The following SHCBP1L variants were observed in gnomAD, a reference collection of about 807,000 sequenced individuals.
SHCBP1L encodes testicular spindle-associated protein SHCBP1L.
Under a neutral mutation model 62.5 loss-of-function variants are expected in SHCBP1L, and 67 were observed. That is an observed-to-expected ratio of 1.07 (90% CI 0.88 to 1.31). The LOEUF (loss-of-function observed/expected upper bound fraction) is 1.31. Ranked by LOEUF, SHCBP1L falls within the 40% of genes most tolerant of loss-of-function variation. The pLI is 0.00. For missense variants in SHCBP1L, 823 were observed against 809.8 expected, an observed-to-expected ratio of 1.02 and a Z score of -0.20; for synonymous variants, 284 against 289.4, an observed-to-expected ratio of 0.98 and a Z score of 0.19.
intron 6 of SHCBP1L, among the ~76,000 whole-genome samples, chr1:182,910,560 A>G (rs947358883): frequency 9.2e-5 from 14 of 152,232 alleles, no homozygotes; most frequent in African/African-American, 3.1e-4. Flanking sequence ...GAAAGAGACA[A>G]GCAAGATTCC....
intron 7 of SHCBP1L, 97 bp from the exon 8 acceptor site, chr1:182,904,527 CTGTGTGCGTGTGTGTGTGTGTG>C: frequency 8.2e-7 from 1 of 1,213,364 alleles, no homozygotes; most frequent in Admixed American, 2.1e-5. Context: ...AAGTTTTTCC[CTGTGTGCGTGTGTGTGTGTGTG>C]TGTGTGTGTG....
At chr1:182,946,263 C>A (rs370665873) in intron 2 of SHCBP1L, among the ~76,000 whole-genome samples, 32 of 152,238 alleles carry the variant, frequency 2.1e-4, no homozygotes, top group Admixed American at 1.5e-3. Context: ...GAAACCTTTA[C>A]AATTTGACAA....
At chr1:182,916,550 A>G (rs930225969) in intron 6 of SHCBP1L, among the ~76,000 whole-genome samples, 1 of 152,178 alleles carries the variant, frequency 6.6e-6, no homozygotes, top group Non-Finnish European at 1.5e-5. Context: ...AAAATTATTT[A>G]TAATGATATT....
At position 182,904,242 on chromosome 1, in the gene SHCBP1L, C is replaced by G. The variant is rs773253796; in HGVS notation, c.1525G>C (p.Gly509Arg). 6.2e-7 allele frequency: 1 copy of G among 1,614,134 alleles called. No individual in the cohort carries two copies. The highest frequency in any genetic ancestry group is 8.5e-7 in the Non-Finnish European group (1 of 1,180,010). The change falls in exon 8 of 10, where the codon GGA becomes CGA. Residue 509 changes from glycine (G) to arginine (R), a missense_variant. Transcript: ENST00000367547. ...GCAGCCCCTGTAAGAACACACACTCCTGTTCCTTCACATTTTAATATGCAG... is the reference window on the plus strand; with the variant it reads ...GCAGCCCCTGTAAGAACACACACTCGTGTTCCTTCACATTTTAATATGCAG... ...ENCILKCEGT[G>R]VCVLTGAALT... is the part of the protein sequence containing the mutation.
In SHCBP1L at chr1:182,930,729, T is replaced by A. The variant is rs1431258695; in HGVS notation, c.1077-977A>T. ...TATATATATATATATATATATGTATTTTTTTTTTTTTTTTTTTTTTTTATT... is the reference window on the plus strand; with the variant it reads ...TATATATATATATATATATATGTATATTTTTTTTTTTTTTTTTTTTTTATT... On this transcript the variant is annotated intron_variant, in intron 5 of 9. Transcript: ENST00000367547. 1.5e-3 allele frequency among the ~76,000 whole-genome samples: 129 copies of A among 85,706 alleles called. 1 individual carries two copies. The highest frequency in any genetic ancestry group is 4.9e-3 in the African/African-American group (96 of 19,708). 56.2% of individuals were successfully genotyped at this position (85,706 alleles called of 152,430 possible).
chr1:182,921,743 T>A (rs1344735335), intron 6 of SHCBP1L, among the ~76,000 whole-genome samples: 3 of 152,092 alleles, frequency 2.0e-5, no homozygotes, highest in African/African-American at 7.2e-5. Context: ...CCATCTCTAC[T>A]AAAAATACAA....
chr1:182,934,691 A>G (rs1651111025), intron 5 of SHCBP1L, among the ~76,000 whole-genome samples: 1 of 152,070 alleles, frequency 6.6e-6, no homozygotes, highest in African/African-American at 2.4e-5. Flanking sequence ...ACAAAGTCCA[A>G]CTTATGACTT....
At chr1:182,917,635 G>GGTGGTT (rs1209450307) in intron 6 of SHCBP1L, among the ~76,000 whole-genome samples, 3 of 152,180 alleles carry the variant, frequency 2.0e-5, no homozygotes, top group Admixed American at 1.3e-4. Context: ...TCAGCTTGCA[G>GGTGGTT]GTGGTTGTGG....
At chr1:182,951,808 A>C (rs1651752404) in intron 1 of SHCBP1L, 1 of 234,274 alleles carries the variant, frequency 4.3e-6, no homozygotes, top group Non-Finnish European at 8.7e-6. Flanking sequence ...AATAGGTTAG[A>C]AACATGAAAT....
chr1:182,911,732 G>A (rs190533470), intron 6 of SHCBP1L, among the ~76,000 whole-genome samples: 18 of 152,212 alleles, frequency 1.2e-4, no homozygotes, highest in Admixed American at 9.2e-4. Context: ...CACTAGAGGG[G>A]TTCAACAGCA....
At chr1:182,912,858 C>T (rs992227096) in intron 6 of SHCBP1L, among the ~76,000 whole-genome samples, 4 of 151,542 alleles carry the variant, frequency 2.6e-5, no homozygotes, top group Admixed American at 2.6e-4. Context: ...AAACATAGGC[C>T]AGGCACTGTG....
chr1:182,952,672 T>C (rs1651817663), intron 1 of SHCBP1L, 57 bp downstream of exon 1: 2 of 1,528,580 alleles, frequency 1.3e-6, no homozygotes, highest in African/African-American at 1.4e-5. Context: ...CCCAGATGCC[T>C]GTCCCCAGGT....
At chr1:182,934,820 A>C (rs915469423) in intron 5 of SHCBP1L, among the ~76,000 whole-genome samples, 1 of 152,126 alleles carries the variant, frequency 6.6e-6, no homozygotes, top group Non-Finnish European at 1.5e-5. Context: ...AGGTTTATGG[A>C]CCACTTTGAG....
intron 6 of SHCBP1L, among the ~76,000 whole-genome samples, chr1:182,909,905 C>T (rs1446365188): frequency 6.6e-6 from 1 of 152,164 alleles, no homozygotes; most frequent in South Asian, 2.1e-4. Context: ...GAAGCCGGAT[C>T]ACAGTGAGTA....
intron 2 of SHCBP1L, among the ~76,000 whole-genome samples, chr1:182,943,275 A>ATTTTTTTT (rs767553592): frequency 1.3e-5 from 1 of 79,094 alleles, no homozygotes; most frequent in African/African-American, 5.0e-5. Context: ...ACCATTCTTG[A>ATTTTTTTT]TTTTTTTTTT....
At chr1:182,944,653 G>A (rs1470160193) in intron 2 of SHCBP1L, among the ~76,000 whole-genome samples, 1 of 151,582 alleles carries the variant, frequency 6.6e-6, no homozygotes, top group Non-Finnish European at 1.5e-5. Flanking sequence ...TGCTTATATT[G>A]CTACTTAAAG....
intron 6 of SHCBP1L, among the ~76,000 whole-genome samples, chr1:182,925,642 G>C (rs1650721762): frequency 6.6e-6 from 1 of 152,192 alleles, no homozygotes; most frequent in South Asian, 2.1e-4. Context: ...TTCAGCCCCT[G>C]TGAAAAACAG....
At chr1:182,946,897 G>A (rs1328489854) in intron 2 of SHCBP1L, among the ~76,000 whole-genome samples, 3 of 152,134 alleles carry the variant, frequency 2.0e-5, no homozygotes, top group Non-Finnish European at 4.4e-5. Flanking sequence ...GATGTTTCCA[G>A]GTTGTTAGCT....
chr1:182,900,436 A>T (rs1259820191), intron 9 of SHCBP1L, among the ~76,000 whole-genome samples: 1 of 152,130 alleles, frequency 6.6e-6, no homozygotes, highest in Non-Finnish European at 1.5e-5. Flanking sequence ...ATATTTAATA[A>T]GAATTTTTTT....
Sources: allele counts gnomAD v4.1 joint callset (sites outside exome capture counted in the v4.1 genomes callset), GRCh38; gene constraint gnomAD v4.1.1; transcripts MANE v1.5; gene names NCBI Gene and HGNC (gene_info 2026-07-23, HGNC 2026-07-21).